Variants in STK39 observed in about 807,000 individuals in gnomAD.
STK39 encodes STE20/SPS1-related proline-alanine-rich protein kinase.
STK39 carries 20 observed loss-of-function variants against 77.8 expected under a neutral mutation model. That is an observed-to-expected ratio of 0.26 (90% CI 0.18 to 0.37). STK39 has a LOEUF of 0.37. STK39 is among the 10% of genes least tolerant of loss of function. The pLI is 1.00. For synonymous variants in STK39, 246 were observed against 234.1 expected (o/e 1.05, Z -0.47); for missense variants, 479 against 656.5 (o/e 0.73, Z 2.95).
At position 168,013,828 on chromosome 2, in the gene STK39, GTGTGTGTA is replaced by G. The variant is rs1186439891; in HGVS notation, c.1430-1134_1430-1127del. On this transcript the variant is annotated intron_variant, in intron 15 of 17. Transcript: ENST00000355999. ...TGTGTGTGTGTGTGTGTGTGTGTGT[GTGTGTGTA>G]TGTGTTTGCATATGTGCATATACAT... 4.3e-3 allele frequency among the ~76,000 whole-genome samples: 428 copies of G among 100,084 alleles called. 3 individuals carry two copies. Among genetic ancestry groups the G allele is most frequent in the African/African-American group, 0.014 (400 of 29,104 alleles). 65.7% of individuals were successfully genotyped at this position (100,084 alleles called of 152,430 possible). A position where few individuals can be genotyped will look rare whatever the true frequency, so the allele number is the denominator to read the frequency against.
At chr2:168,188,697 C>T (rs747155297) in intron 1 of STK39, among the ~76,000 whole-genome samples, 5 of 152,208 alleles carry the variant, frequency 3.3e-5, no homozygotes, top group African/African-American at 1.2e-4. Flanking sequence ...CCATCCTCCT[C>T]GTCTTACTAT....
intron 1 of STK39, among the ~76,000 whole-genome samples, chr2:168,211,249 AAG>A (rs1689883474): frequency 6.6e-6 from 1 of 151,180 alleles, no homozygotes; most frequent in Non-Finnish European, 1.5e-5. Context: ...ATCTCATCTC[AAG>A]AGTGTTACTA....
intron 3 of STK39, among the ~76,000 whole-genome samples, chr2:168,166,815 A>ATT (rs1688704485): frequency 1.3e-5 from 2 of 152,188 alleles, no homozygotes; most frequent in South Asian, 4.1e-4. Flanking sequence ...GATAAATGGC[A>ATT]CTGAGATAAT....
intron 17 of STK39, among the ~76,000 whole-genome samples, chr2:167,959,139 G>T (rs2105518124): frequency 6.7e-6 from 1 of 150,140 alleles, no homozygotes; most frequent in Non-Finnish European, 1.5e-5. Context: ...TATATTTTTT[G>T]AGACAGTCTC....
intron 15 of STK39, among the ~76,000 whole-genome samples, chr2:168,014,830 C>A (rs1684365865): frequency 6.6e-6 from 1 of 152,146 alleles, no homozygotes; most frequent in Non-Finnish European, 1.5e-5. Context: ...GAGCTATAAT[C>A]ACAGAATGTA....
chr2:168,079,237 A>T (rs1431656682), intron 10 of STK39, among the ~76,000 whole-genome samples: 1 of 151,870 alleles, frequency 6.6e-6, no homozygotes, highest in Non-Finnish European at 1.5e-5. Flanking sequence ...TCCTACACCT[A>T]CTGCCTGGCT....
intron 10 of STK39, among the ~76,000 whole-genome samples, chr2:168,113,819 G>A (rs1212788579): frequency 2.0e-5 from 3 of 152,204 alleles, no homozygotes; most frequent in African/African-American, 7.2e-5. Context: ...AACTAGGCAT[G>A]AAGCTTCTGT....
At chr2:168,131,716 AAAC>A (rs1363780361) in intron 8 of STK39, among the ~76,000 whole-genome samples, 2 of 152,202 alleles carry the variant, frequency 1.3e-5, no homozygotes, top group Non-Finnish European at 2.9e-5. Context: ...CTAAGGGTCT[AAAC>A]AACAGGTAGG....
chr2:167,990,910 T>A (rs1217462105), intron 16 of STK39, among the ~76,000 whole-genome samples: 2 of 152,176 alleles, frequency 1.3e-5, no homozygotes, highest in Non-Finnish European at 2.9e-5. Context: ...TCCCCAAAAT[T>A]ACATTTCACC....
chr2:168,184,376 G>A (rs1181966476), intron 1 of STK39, among the ~76,000 whole-genome samples: 1 of 152,164 alleles, frequency 6.6e-6, no homozygotes, highest in Non-Finnish European at 1.5e-5. Flanking sequence ...GAAGCTTTGT[G>A]ACCTGAGATC....
intron 16 of STK39, among the ~76,000 whole-genome samples, chr2:168,004,596 G>A (rs1049034987): frequency 6.6e-6 from 1 of 151,870 alleles, no homozygotes; most frequent in African/African-American, 2.4e-5. Flanking sequence ...AGCCTGACAT[G>A]GTGGTGGGTG....
intron 10 of STK39, among the ~76,000 whole-genome samples, chr2:168,076,321 T>C (rs984237503): frequency 4.6e-5 from 7 of 152,172 alleles, no homozygotes; most frequent in Admixed American, 4.6e-4. Flanking sequence ...CTTATGCCAC[T>C]GAACGATAAC....
chr2:168,118,809 G>C (rs1574479827), intron 10 of STK39, among the ~76,000 whole-genome samples: 1 of 152,020 alleles, frequency 6.6e-6, no homozygotes, highest in Admixed American at 6.5e-5. Context: ...AGCAATTCCT[G>C]TCCAGATTCT....
At chr2:168,175,348 TG>T (rs1298356189) in intron 2 of STK39, among the ~76,000 whole-genome samples, 2 of 152,206 alleles carry the variant, frequency 1.3e-5, no homozygotes, top group Non-Finnish European at 2.9e-5. Context: ...GAGTATGTGC[TG>T]GGTCCCTGTT....
intron 15 of STK39, among the ~76,000 whole-genome samples, chr2:168,015,121 G>A (rs144311296): frequency 1.6e-4 from 25 of 152,288 alleles, no homozygotes; most frequent in African/African-American, 6.0e-4. Flanking sequence ...CTTATTTCAT[G>A]TTTCATTAGT....
chr2:168,038,032 GACAA>G (rs1435672349), intron 14 of STK39, among the ~76,000 whole-genome samples: 11 of 152,108 alleles, frequency 7.2e-5, no homozygotes, highest in South Asian at 6.2e-4. Context: ...CAGTGATTCA[GACAA>G]ACAAACACAC....
At chr2:168,209,784 A>T (rs1689837751) in intron 1 of STK39, among the ~76,000 whole-genome samples, 1 of 152,204 alleles carries the variant, frequency 6.6e-6, no homozygotes, top group East Asian at 1.9e-4. Context: ...AGATCACTTA[A>T]GGTCAGGAGT....
intron 14 of STK39, among the ~76,000 whole-genome samples, chr2:168,023,215 C>T (rs1156340196): frequency 6.6e-6 from 1 of 151,384 alleles, no homozygotes; most frequent in African/African-American, 2.4e-5. Context: ...CATGCCCAGC[C>T]TGACTTTAAA....
chr2:168,030,277 G>A (rs1413889779), intron 14 of STK39, among the ~76,000 whole-genome samples: 1 of 152,068 alleles, frequency 6.6e-6, no homozygotes. Context: ...TGTTGCTTCA[G>A]AATAGGGAAG....
Sources: allele counts gnomAD v4.1 joint callset (sites outside exome capture counted in the v4.1 genomes callset), GRCh38; gene constraint gnomAD v4.1.1; transcripts MANE v1.5; gene names NCBI Gene and HGNC (gene_info 2026-07-23, HGNC 2026-07-21).